Variants in DLG2 observed in about 807,000 individuals in gnomAD.
DLG2 encodes the protein disks large homolog 2.
In DLG2, 45 loss-of-function variants were observed where a neutral mutation model predicts 132.5. That is an observed-to-expected ratio of 0.34 (90% CI 0.27 to 0.44). DLG2 has a LOEUF of 0.44. DLG2 is among the 20% of genes least tolerant of loss of function. The probability of loss-of-function intolerance (pLI) is 1.00; values close to 1 mark genes in which losing one functional copy is unlikely to be tolerated. For synonymous variants in DLG2, 424 were observed against 419.6 expected (o/e 1.01, Z -0.13); for missense variants, 1,045 against 1,196.9 (o/e 0.87, Z 1.87).
intron 6 of DLG2, among the ~76,000 whole-genome samples, chr11:84,597,423 C>T (rs1248972986): frequency 6.6e-6 from 1 of 152,090 alleles, no homozygotes; most frequent in Non-Finnish European, 1.5e-5. Flanking sequence ...CTCAAAAGCA[C>T]TCTGTTTCTA....
chr11:84,094,389 A>G (rs1329671753), intron 10 of DLG2, among the ~76,000 whole-genome samples: 1 of 152,200 alleles, frequency 6.6e-6, no homozygotes, highest in East Asian at 1.9e-4. Context: ...CCACTAATTT[A>G]GAGTTCAGAT....
chr11:85,081,433 T>G (rs2067212647), intron 6 of DLG2, among the ~76,000 whole-genome samples: 2 of 152,306 alleles, frequency 1.3e-5, no homozygotes, highest in Non-Finnish European at 1.5e-5. Flanking sequence ...TCTTTTGCCC[T>G]TCTATCTTGC....
intron 15 of DLG2, among the ~76,000 whole-genome samples, chr11:83,890,099 T>G (rs566691672): frequency 6.6e-6 from 1 of 151,890 alleles, no homozygotes; most frequent in African/African-American, 2.4e-5. Flanking sequence ...ACCCTAAAAC[T>G]TAAAGTACAA....
chr11:83,909,737 T>A (rs1376758223), intron 15 of DLG2, among the ~76,000 whole-genome samples: 1 of 152,162 alleles, frequency 6.6e-6, no homozygotes, highest in Non-Finnish European at 1.5e-5. Context: ...TTGTTATGCT[T>A]CATCAAATGA....
At chr11:85,473,489 T>A (rs529448729) in intron 3 of DLG2, among the ~76,000 whole-genome samples, 138 of 152,238 alleles carry the variant, frequency 9.1e-4, no homozygotes, top group African/African-American at 3.1e-3. Flanking sequence ...TTTTAAAAAA[T>A]TTAATGAAGA....
At chr11:84,550,498 C>G (rs1192379260) in intron 6 of DLG2, among the ~76,000 whole-genome samples, 3 of 152,186 alleles carry the variant, frequency 2.0e-5, no homozygotes, top group Admixed American at 2.0e-4. Context: ...CTCATTCAAG[C>G]TACTCTTCCT....
chr11:84,755,674 C>T (rs542294233), intron 6 of DLG2, among the ~76,000 whole-genome samples: 25 of 152,344 alleles, frequency 1.6e-4, no homozygotes, highest in African/African-American at 5.8e-4. Flanking sequence ...CCACCCGCCT[C>T]GGCCTCCCGA....
In DLG2 at chr11:84,841,285, G is replaced by A. The variant is rs769357088; in HGVS notation, c.357+270376C>T. 4.3e-4 allele frequency among the ~76,000 whole-genome samples: 66 copies of A among 151,958 alleles called. 1 individual carries two copies. Among genetic ancestry groups the A allele is most frequent in the Admixed American group, 2.6e-4 (4 of 15,222 alleles). ...GGGATGAGGAGATCCCAGTTTTGCT[G>A]TGCCTATTTTGTTTCCCGAAAGTTG... On this transcript the variant is annotated intron_variant, in intron 6 of 27. Transcript: ENST00000376104.
intron 8 of DLG2, among the ~76,000 whole-genome samples, chr11:84,164,714 G>A (rs2095622494): frequency 6.6e-6 from 1 of 152,206 alleles, no homozygotes; most frequent in Admixed American, 6.5e-5. Context: ...TCACCTAAAG[G>A]TGTAATTATA....
chr11:84,837,936 C>T (rs1048217889), intron 6 of DLG2, among the ~76,000 whole-genome samples: 28 of 151,682 alleles, frequency 1.8e-4, no homozygotes, highest in African/African-American at 5.6e-4. Context: ...CCAGACTCAC[C>T]GAATCAGAAA....
chr11:84,659,430 T>C (rs1033423668), intron 6 of DLG2, among the ~76,000 whole-genome samples: 6 of 152,116 alleles, frequency 3.9e-5, no homozygotes, highest in South Asian at 2.1e-4. Context: ...TGACTACCAA[T>C]AAACTTCTGG....
At chr11:83,495,894 A>G (rs571501803) in intron 21 of DLG2, among the ~76,000 whole-genome samples, 1 of 152,308 alleles carries the variant, frequency 6.6e-6, no homozygotes, top group South Asian at 2.1e-4. Context: ...AAGAAAACAT[A>G]CAATATACTT....
Position 85,253,905 on chromosome 11 carries a change from C to T in DLG2, c.186+31315G>A, listed in dbSNP as rs184702227. ...AAGGCTGGACTCCTCTCTGAATCTA[C>T]GCCATCAATCTGTCCCTCTGAAGTC... is the stretch of plus-strand genomic sequence containing the variant. On this transcript the variant is annotated intron_variant, in intron 4 of 27. Coordinates refer to ENST00000376104, the MANE Select transcript of DLG2 (RefSeq NM_001142699.3). Among the ~76,000 whole-genome samples, 758 of 152,270 alleles carry T rather than the reference C, an allele frequency of 5.0e-3. 9 individuals are homozygous for T. The highest frequency in any genetic ancestry group is 6.7e-3 in the Non-Finnish European group (459 of 68,024).
chr11:84,828,859 A>G (rs2078665256), intron 6 of DLG2, among the ~76,000 whole-genome samples: 1 of 151,762 alleles, frequency 6.6e-6, no homozygotes, highest in South Asian at 2.1e-4. Context: ...GGCTTAGAGC[A>G]CTGAAAGAAA....
At chr11:83,474,688 G>A (rs2092438450) in intron 22 of DLG2, among the ~76,000 whole-genome samples, 1 of 152,060 alleles carries the variant, frequency 6.6e-6, no homozygotes, top group African/African-American at 2.4e-5. Flanking sequence ...CAACAAATTT[G>A]CATTCTGATT....
intron 4 of DLG2, among the ~76,000 whole-genome samples, chr11:85,199,238 C>A (rs528402018): frequency 1.3e-5 from 2 of 152,216 alleles, no homozygotes; most frequent in East Asian, 3.9e-4. Context: ...ACCACTAATG[C>A]ATACAAAAAC....
At chr11:85,407,664 C>G (rs763480189) in intron 3 of DLG2, among the ~76,000 whole-genome samples, 1 of 151,722 alleles carries the variant, frequency 6.6e-6, no homozygotes, top group Non-Finnish European at 1.5e-5. Context: ...AGTATGTTAC[C>G]ACACCAACTA....
intron 11 of DLG2, among the ~76,000 whole-genome samples, chr11:84,037,529 A>T (rs766955196): frequency 6.6e-6 from 1 of 152,116 alleles, no homozygotes; most frequent in East Asian, 1.9e-4. Context: ...AATGTAAAAA[A>T]CTGTATTTCA....
intron 26 of DLG2, among the ~76,000 whole-genome samples, chr11:83,463,645 G>C (rs1363911840): frequency 2.6e-5 from 4 of 152,172 alleles, no homozygotes; most frequent in Admixed American, 1.3e-4. Context: ...ACAAACATTA[G>C]CTGGGTATGG....
Sources: gnomAD v4.1 joint callset for allele counts (sites outside exome capture counted in the v4.1 genomes callset) on GRCh38, gnomAD v4.1.1 for gene constraint, MANE v1.5 for transcripts, NCBI Gene and HGNC (gene_info 2026-07-23, HGNC 2026-07-21) for gene names.